The following MTA3 variants were observed in gnomAD, a reference collection of about 807,000 sequenced individuals.
The protein encoded by MTA3 is metastasis-associated protein MTA3.
A neutral mutation model predicts 83.5 loss-of-function variants in MTA3; 34 were observed. The observed-to-expected ratio is 0.41, with a 90% CI of 0.31 to 0.54. MTA3 has a LOEUF of 0.54. MTA3 is among the 20% of genes least tolerant of loss of function. MTA3 has a pLI of 0.33. For synonymous variants in MTA3, 303 were observed against 252.7 expected, an observed-to-expected ratio of 1.20 and a Z score of -1.89; for missense variants, 761 against 726.4, an observed-to-expected ratio of 1.05 and a Z score of -0.55.
At chr2:42,605,059 T>C (rs369384314) in intron 3 of MTA3, among the ~76,000 whole-genome samples, 56 of 148,212 alleles carry the variant, frequency 3.8e-4, no homozygotes, top group South Asian at 6.4e-4. Flanking sequence ...TCCACAAAGC[T>C]GCCATTGTCA....
intron 4 of MTA3, among the ~76,000 whole-genome samples, chr2:42,614,514 T>A (rs973893698): frequency 2.0e-5 from 3 of 152,244 alleles, no homozygotes; most frequent in Non-Finnish European, 4.4e-5. Flanking sequence ...AAATTTGAGA[T>A]GGGCAACACA....
At chr2:42,718,506 A>G (rs1667184156) in intron 14 of MTA3, among the ~76,000 whole-genome samples, 1 of 151,266 alleles carries the variant, frequency 6.6e-6, no homozygotes, top group Non-Finnish European at 1.5e-5. Context: ...TTGGCCTCCC[A>G]AAGTGCTGGG....
chr2:42,677,061 A>G (rs1691428790), intron 8 of MTA3, among the ~76,000 whole-genome samples: 1 of 152,100 alleles, frequency 6.6e-6, no homozygotes, highest in East Asian at 1.9e-4. Flanking sequence ...TTTTTTCTCT[A>G]CACTATACCT....
Position 42,754,220 on chromosome 2 carries a change from C to T in MTA3, c.*821C>T. ...GCTTACTGCCCTGTTCCCTTGCAGC[C>T]AAACCAGCTGATGAAGAACTGCTGC... On this transcript the variant is annotated 3_prime_UTR_variant, in exon 17 of 17. Coordinates refer to ENST00000405094, the MANE Select transcript of MTA3 (RefSeq NM_001330442.2). The T allele has an allele frequency of 1.0e-6, 1 of 985,492 alleles. No individual in the cohort carries two copies. Among genetic ancestry groups the T allele is most frequent in the Non-Finnish European group, 1.2e-6 (1 of 829,980 alleles). The allele number at this position is 985,492 out of a possible 1,614,324, so 61.0% of individuals were successfully genotyped here.
intron 8 of MTA3, among the ~76,000 whole-genome samples, chr2:42,663,025 T>C (rs1689877692): frequency 6.6e-6 from 1 of 152,196 alleles, no homozygotes; most frequent in South Asian, 2.1e-4. Flanking sequence ...CCACTGTGCC[T>C]GGCCGGATAA....
chr2:42,582,489 C>G (rs1349164971), intron 3 of MTA3, among the ~76,000 whole-genome samples: 1 of 152,094 alleles, frequency 6.6e-6, no homozygotes, highest in African/African-American at 2.4e-5. Flanking sequence ...GTATGTCATT[C>G]TAAAAAGCAA....
At chr2:42,721,725 A>G (rs1667423652) in intron 15 of MTA3, among the ~76,000 whole-genome samples, 1 of 152,198 alleles carries the variant, frequency 6.6e-6, no homozygotes, top group Non-Finnish European at 1.5e-5. Context: ...TCGAATAGGT[A>G]GAAAAATAGG....
At chr2:42,609,622 G>A (rs1683934517) in intron 4 of MTA3, 38 bp downstream of exon 4, 3 of 1,558,584 alleles carry the variant, frequency 1.9e-6, no homozygotes, top group Non-Finnish European at 1.7e-6. Context: ...TCAGTACTAC[G>A]GTGACCAAAA....
chr2:42,659,749 T>G lies in MTA3; in HGVS notation c.603-14T>G. On this transcript the variant is annotated splice_polypyrimidine_tract_variant and intron_variant, in intron 7 of 16. Coordinates refer to ENST00000405094, the MANE Select transcript of MTA3 (RefSeq NM_001330442.2). Reference sequence around the variant, plus strand: ...ATACTTAATTCTTCCTTATTGTGTTTGTGGTTTATTCAGTGCTGTTGGGAC... The same window carrying G: ...ATACTTAATTCTTCCTTATTGTGTTGGTGGTTTATTCAGTGCTGTTGGGAC... 1 of 1,523,436 alleles carries G rather than the reference T, an allele frequency of 6.6e-7. No homozygotes were observed. The highest frequency in any genetic ancestry group is 8.8e-7 in the Non-Finnish European group (1 of 1,135,138). 94.4% of individuals were successfully genotyped at this position (1,523,436 alleles called of 1,614,324 possible).
intron 2 of MTA3, among the ~76,000 whole-genome samples, chr2:42,546,088 A>G (rs1397718476): frequency 2.0e-5 from 3 of 152,192 alleles, no homozygotes; most frequent in Admixed American, 2.0e-4. Context: ...TCTTTAGATA[A>G]CCTGGTAGGG....
chr2:42,507,579 A>G (rs1674691157), intron 2 of MTA3, among the ~76,000 whole-genome samples: 1 of 151,736 alleles, frequency 6.6e-6, no homozygotes, highest in South Asian at 2.1e-4. Context: ...GTTATTATAA[A>G]CCTTTCATCT....
intron 14 of MTA3, among the ~76,000 whole-genome samples, chr2:42,713,285 G>A (rs2104519883): frequency 6.6e-6 from 1 of 152,308 alleles, no homozygotes; most frequent in East Asian, 1.9e-4. Flanking sequence ...GGCTTTGGAA[G>A]TATCTCAAGA....
chr2:42,604,398 A>G (rs554819052), intron 3 of MTA3, among the ~76,000 whole-genome samples: 75 of 152,324 alleles, frequency 4.9e-4, no homozygotes, highest in African/African-American at 1.7e-3. Flanking sequence ...ATCTTGAAAG[A>G]AGAATTTTGA....
intron 2 of MTA3, among the ~76,000 whole-genome samples, chr2:42,505,210 G>A (rs1674577709): frequency 6.6e-6 from 1 of 152,088 alleles, no homozygotes; most frequent in African/African-American, 2.4e-5. Context: ...GGCTAACACA[G>A]TGAAACTCTA....
intron 3 of MTA3, among the ~76,000 whole-genome samples, chr2:42,606,965 A>C (rs902333551): frequency 2.0e-5 from 3 of 150,614 alleles, no homozygotes; most frequent in Admixed American, 1.3e-4. Context: ...GGCATTCGGC[A>C]GACTGAGGCA....
intron 2 of MTA3, among the ~76,000 whole-genome samples, chr2:42,497,893 G>C (rs1487171768): frequency 6.6e-6 from 1 of 152,138 alleles, no homozygotes. Context: ...ACACAGATTG[G>C]ATAAGTGAAT....
chr2:42,726,375 T>G (rs1290718159), intron 16 of MTA3, among the ~76,000 whole-genome samples: 1 of 151,982 alleles, frequency 6.6e-6, no homozygotes, highest in Non-Finnish European at 1.5e-5. Flanking sequence ...ATTATTGTAC[T>G]TCAAGTTTTA....
chr2:42,716,568 G>C (rs1386081984), intron 14 of MTA3, among the ~76,000 whole-genome samples: 2 of 152,188 alleles, frequency 1.3e-5, no homozygotes, highest in African/African-American at 4.8e-5. Context: ...ACTCATAAGT[G>C]AGAACATGCA....
At chr2:42,682,630 G>C in intron 9 of MTA3, 41 bp downstream of exon 9, 1 of 1,529,424 alleles carries the variant, frequency 6.5e-7, no homozygotes, top group African/African-American at 1.4e-5. Context: ...GTTGAGATGG[G>C]AATATTCTGT....
Sources: allele counts gnomAD v4.1 joint callset (sites outside exome capture counted in the v4.1 genomes callset), GRCh38; gene constraint gnomAD v4.1.1; transcripts MANE v1.5; gene names NCBI Gene and HGNC (gene_info 2026-07-23, HGNC 2026-07-21).